The following CEP112 variants were observed in gnomAD, a reference collection of about 807,000 sequenced individuals.
The protein encoded by CEP112 is centrosomal protein of 112 kDa.
In CEP112, 127 loss-of-function variants were observed where a neutral mutation model predicts 153.0. The ratio of observed to expected loss-of-function variants is 0.83; its 90% CI spans 0.72 to 0.96. CEP112 has a LOEUF of 0.96. Ranked by LOEUF, CEP112 falls within the 40% of genes least tolerant of loss-of-function variation. CEP112 has a pLI of 0.00. For missense variants in CEP112, 1,089 were observed against 1,101.2 expected, an observed-to-expected ratio of 0.99 and a Z score of 0.16; for synonymous variants, 358 against 374.4, an observed-to-expected ratio of 0.96 and a Z score of 0.51.
chr17:65,925,183 C>T (rs145601383), intron 19 of CEP112, among the ~76,000 whole-genome samples: 132 of 152,274 alleles, frequency 8.7e-4, no homozygotes, highest in Middle Eastern at 3.4e-3. Flanking sequence ...TCACAAGATC[C>T]GACGGTTTTA....
chr17:65,709,480 T>C lies in CEP112; in HGVS notation c.2608-20262A>G, dbSNP rs370683381. Among the ~76,000 whole-genome samples the C allele has an allele frequency of 1.1e-4, 17 of 152,332 alleles. No individual in the cohort carries two copies. The East Asian group carries it at 1.7e-3, about 16-fold the overall frequency. ...GCCAAGTGAAAGGGGTTTCCCCTTATGAAACCATCGGATCTCGTGAGACTT... is the reference window on the plus strand; with the variant it reads ...GCCAAGTGAAAGGGGTTTCCCCTTACGAAACCATCGGATCTCGTGAGACTT... On this transcript the variant is annotated intron_variant, in intron 23 of 26. Transcript: ENST00000535342.
intron 24 of CEP112, among the ~76,000 whole-genome samples, chr17:65,658,913 C>T (rs964581857): frequency 7.0e-6 from 1 of 143,846 alleles, no homozygotes; most frequent in Non-Finnish European, 1.5e-5. Context: ...TAGGTGCTGC[C>T]AAGATCAAGG....
Position 65,689,006 on chromosome 17 carries a change from G to A in CEP112, c.2697+123C>T, listed in dbSNP as rs530627593. Reference sequence around the variant, plus strand: ...TAGTCTCGAACTCCTAACTTCAGGTGATCCACCCACCTCGGCCTCCCAAAG... The same window carrying A: ...TAGTCTCGAACTCCTAACTTCAGGTAATCCACCCACCTCGGCCTCCCAAAG... On this transcript the variant is annotated intron_variant, in intron 24 of 26. Coordinates refer to ENST00000535342, the MANE Select transcript of CEP112 (RefSeq NM_001199165.4). 1.1e-5 allele frequency: 7 copies of A among 642,306 alleles called. No individual in the cohort carries two copies. The Admixed American group carries it at 1.5e-4, about 14-fold the overall frequency. 39.8% of individuals were successfully genotyped at this position (642,306 alleles called of 1,614,324 possible).
intron 6 of CEP112, among the ~76,000 whole-genome samples, chr17:66,127,779 G>T (rs2069919791): frequency 6.6e-6 from 1 of 152,080 alleles, no homozygotes; most frequent in Admixed American, 6.6e-5. Context: ...AACCTTACCA[G>T]TTTTCAAACT....
At chr17:66,034,970 TTGCA>T (rs57979444) in intron 12 of CEP112, among the ~76,000 whole-genome samples, 66,862 of 96,554 alleles carry the variant, frequency 0.69, 20,919 homozygotes, top group Non-Finnish European at 0.71. Context: ...AGCTAAGTTT[TTGCA>T]TGTATATATA....
chr17:65,657,040 C>T (rs1377501913), intron 24 of CEP112, among the ~76,000 whole-genome samples: 1 of 152,164 alleles, frequency 6.6e-6, no homozygotes, highest in Non-Finnish European at 1.5e-5. Context: ...AAGTCGGAGG[C>T]AAACACCAGG....
chr17:65,946,204 TTTTG>T (rs1256746520), intron 18 of CEP112, among the ~76,000 whole-genome samples: 1 of 152,198 alleles, frequency 6.6e-6, no homozygotes, highest in African/African-American at 2.4e-5. Context: ...TTTTAAAATA[TTTTG>T]TTTTTTATGC....
At position 66,062,943 on chromosome 17, in the gene CEP112, T is replaced by C. The variant is rs773069587; in HGVS notation, c.1074+20A>G. 2 of 1,221,736 alleles carry C rather than the reference T, an allele frequency of 1.6e-6. No individual in the cohort carries two copies. Among genetic ancestry groups the C allele is most frequent in the Non-Finnish European group, 2.3e-6 (2 of 854,442 alleles). The allele number at this position is 1,221,736 out of a possible 1,614,324, so 75.7% of individuals were successfully genotyped here. On this transcript the variant is annotated intron_variant, in intron 11 of 26. Coordinates refer to ENST00000535342, the MANE Select transcript of CEP112 (RefSeq NM_001199165.4). Reference sequence around the variant, plus strand: ...AAGCATAAACTTTTATGTTTTCCATTAGTATTTTATGTAGCTTACCTTTTT... The same window carrying C: ...AAGCATAAACTTTTATGTTTTCCATCAGTATTTTATGTAGCTTACCTTTTT...
intron 19 of CEP112, among the ~76,000 whole-genome samples, chr17:65,923,995 G>A (rs2144117609): frequency 6.6e-6 from 1 of 151,652 alleles, no homozygotes; most frequent in Admixed American, 6.6e-5. Flanking sequence ...ATTTATTTTT[G>A]AGACAGAGTC....
intron 11 of CEP112, among the ~76,000 whole-genome samples, chr17:66,058,097 A>AAC (rs755601930): frequency 0.056 from 8,075 of 143,980 alleles, 283 homozygotes; most frequent in African/African-American, 0.09. Context: ...TAAAAAAAAC[A>AAC]AAAAAAAAAA....
At chr17:66,159,670 C>A (rs1028003147) in intron 4 of CEP112, among the ~76,000 whole-genome samples, 8 of 152,162 alleles carry the variant, frequency 5.3e-5, no homozygotes, top group African/African-American at 1.9e-4. Flanking sequence ...GCTAAAAACT[C>A]TCAATAAACT....
chr17:66,118,259 G>A (rs994090632), intron 6 of CEP112, among the ~76,000 whole-genome samples: 34 of 152,256 alleles, frequency 2.2e-4, no homozygotes, highest in African/African-American at 7.0e-4. Flanking sequence ...AAACTCCCAT[G>A]ATTATTGCAG....
intron 12 of CEP112, among the ~76,000 whole-genome samples, chr17:66,047,169 T>C (rs774895808): frequency 2.6e-5 from 4 of 152,200 alleles, no homozygotes; most frequent in Non-Finnish European, 5.9e-5. Context: ...CAGGCTGGAG[T>C]GCAGTGGCAT....
intron 4 of CEP112, among the ~76,000 whole-genome samples, chr17:66,133,412 A>T (rs921463790): frequency 6.6e-6 from 1 of 152,342 alleles, no homozygotes; most frequent in East Asian, 1.9e-4. Flanking sequence ...TAAAGTTTCA[A>T]TTAATTTGAA....
chr17:65,658,960 G>A (rs1225355736), intron 24 of CEP112, among the ~76,000 whole-genome samples: 1 of 132,054 alleles, frequency 7.6e-6, no homozygotes, highest in African/African-American at 2.9e-5. Flanking sequence ...CAGTTGCAGT[G>A]AGCCAAGATC....
intron 22 of CEP112, among the ~76,000 whole-genome samples, chr17:65,749,521 T>TA (rs1269213319): frequency 2.6e-5 from 4 of 151,338 alleles, no homozygotes; most frequent in Non-Finnish European, 5.9e-5. Context: ...AAAAAATAAA[T>TA]AAATAAAATA....
At chr17:65,971,129 T>C (rs994491556) in intron 17 of CEP112, among the ~76,000 whole-genome samples, 2 of 152,190 alleles carry the variant, frequency 1.3e-5, no homozygotes, top group South Asian at 4.1e-4. Context: ...GTGTATGAGA[T>C]TTATATTGCA....
At chr17:66,033,286 T>TAGGA (rs1568408818) in intron 12 of CEP112, among the ~76,000 whole-genome samples, 1 of 151,950 alleles carries the variant, frequency 6.6e-6, no homozygotes, top group Non-Finnish European at 1.5e-5. Context: ...AATATACAAA[T>TAGGA]AGAGTATACT....
intron 23 of CEP112, among the ~76,000 whole-genome samples, chr17:65,715,607 C>T (rs1309380657): frequency 7.9e-5 from 12 of 151,956 alleles, no homozygotes; most frequent in Non-Finnish European, 1.5e-4. Flanking sequence ...CCCGCCACCA[C>T]GCCCGGCTAA....
Sources: gnomAD v4.1 joint callset for allele counts (sites outside exome capture counted in the v4.1 genomes callset) on GRCh38, gnomAD v4.1.1 for gene constraint, MANE v1.5 for transcripts, NCBI Gene and HGNC (gene_info 2026-07-23, HGNC 2026-07-21) for gene names.